Variants in CHAMP1 observed in about 807,000 individuals in gnomAD.
CHAMP1 encodes chromosome alignment-maintaining phosphoprotein 1.
Under a neutral mutation model 54.5 loss-of-function variants are expected in CHAMP1, and 4 were observed. The ratio of observed to expected loss-of-function variants is 0.07; its 90% CI spans 0.04 to 0.17. The LOEUF is 0.17. CHAMP1 is among the 10% of genes least tolerant of loss of function. The probability of loss-of-function intolerance (pLI) is 1.00; values close to 1 mark genes in which losing one functional copy is unlikely to be tolerated. For synonymous variants in CHAMP1, 368 were observed against 342.2 expected (o/e 1.08, Z -0.83); for missense variants, 994 against 968.6 (o/e 1.03, Z -0.35).
rs2087246761 is a variant in CHAMP1, at chr13:114,326,041, T to C, written c.2199T>C (p.Asn733=). The change falls in exon 3 of 3, where the codon AAT becomes AAC. Residue 733 remains asparagine (N), a synonymous_variant. Transcript: ENST00000361283. ...TGCATCATTTGGTTAATAAGCATAA[T>C]GTTCATAGCCCTTACAAATGCACAA... ...AVLHHLVNKH[N]VHSPYKCTIC... The C allele has an allele frequency of 6.2e-7, 1 of 1,614,094 alleles. No homozygotes were observed. The highest frequency in any genetic ancestry group is 8.5e-7 in the Non-Finnish European group (1 of 1,180,002).
Position 114,325,025 on chromosome 13 carries a change from C to G in CHAMP1, c.1183C>G (p.Pro395Ala), listed in dbSNP as rs782673915. 3.2e-5 allele frequency: 52 copies of G among 1,614,004 alleles called. No homozygotes were observed. Among genetic ancestry groups the G allele is most frequent in the Non-Finnish European group, 4.2e-5 (50 of 1,180,050 alleles). ...ASPESWKSGPPELRKTAPTLS... is the reference protein window; with the variant it reads ...ASPESWKSGPAELRKTAPTLS... ...TCCTGAGTCATGGAAGTCTGGCCCA[C>G]CAGAACTCCGAAAGACAGCTCCCAC... Residue 395 changes from proline to alanine, a missense_variant, in exon 3 of 3, where the codon CCA becomes GCA. This residue lies in a region of CHAMP1 where 851 missense variants were observed against 701.3 expected (regional missense o/e 1.21). Coordinates refer to ENST00000361283, the MANE Select transcript of CHAMP1 (RefSeq NM_032436.4).
intron 1 of CHAMP1, among the ~76,000 whole-genome samples, chr13:114,318,747 C>T (rs1334916879): frequency 6.6e-6 from 1 of 150,420 alleles, no homozygotes; most frequent in Admixed American, 6.6e-5. Context: ...CTGATTGTCA[C>T]TTCTAGGATA....
chr13:114,325,034 C>G lies in CHAMP1; in HGVS notation c.1192C>G (p.Arg398Gly). 1 of 1,614,116 alleles carries G rather than the reference C, an allele frequency of 6.2e-7. No individual in the cohort carries two copies. Among genetic ancestry groups the G allele is most frequent in the South Asian group, 1.1e-5 (1 of 91,080 alleles). The part of the protein sequence containing the change: ...ESWKSGPPEL[R>G]KTAPTLSPEH... ...ATGGAAGTCTGGCCCACCAGAACTC[C>G]GAAAGACAGCTCCCACGTTGTCTCC... The change falls in exon 3 of 3, where the codon CGA becomes GGA. Residue 398 changes from arginine to glycine, a missense_variant. By Grantham distance (125) the Arg-to-Gly change is moderately radical. Coordinates refer to ENST00000361283, the MANE Select transcript of CHAMP1 (RefSeq NM_032436.4).
intron 1 of CHAMP1, among the ~76,000 whole-genome samples, 200 bp from the exon 2 acceptor site, chr13:114,320,910 C>G (rs960968433): frequency 6.6e-6 from 1 of 150,866 alleles, no homozygotes; most frequent in Admixed American, 6.6e-5. Flanking sequence ...GAGCCGAGAT[C>G]GCGCCACTGC....
In CHAMP1 at chr13:114,325,543, T is replaced by C; in HGVS notation, c.1701T>C (p.Ala567=). 1 of 1,614,114 alleles carries C rather than the reference T, an allele frequency of 6.2e-7. No homozygotes were observed. Among genetic ancestry groups the C allele is most frequent in the Non-Finnish European group, 8.5e-7 (1 of 1,180,036 alleles). ...HALFPELPKS[A]LFSESQKAVE... ...TTTTCCCTGAACTCCCCAAATCTGC[T>C]CTATTCTCAGAATCACAGAAGGCTG... is the stretch of plus-strand genomic sequence containing the variant. The change falls in exon 3 of 3, where the codon GCT becomes GCC. Residue 567 remains alanine (A), a synonymous_variant. Coordinates refer to ENST00000361283, the MANE Select transcript of CHAMP1 (RefSeq NM_032436.4).
rs1555379907 is a variant in CHAMP1, at chr13:114,325,769, G to A, written c.1927G>A (p.Ala643Thr). 1 of 1,614,194 alleles carries A rather than the reference G, an allele frequency of 6.2e-7. No homozygotes were observed. Among genetic ancestry groups the A allele is most frequent in the Admixed American group, 1.7e-5 (1 of 60,024 alleles). The change falls in exon 3 of 3, where the codon GCG becomes ACG. Residue 643 changes from alanine to threonine, a missense_variant. Ala to Thr is a moderately conservative substitution (Grantham distance 58, BLOSUM62 0). Transcript: ENST00000361283. The stretch of plus-strand genomic sequence containing the variant: ...TGAGTACATAAAAACAGATTTGGAT[G>A]CGATGGATATTAAGGGCCAGGAATC... ...SSEYIKTDLD[A>T]MDIKGQESSS...
At position 114,326,125 on chromosome 13, in the gene CHAMP1, G is replaced by A. The variant is rs782584547; in HGVS notation, c.2283G>A (p.Gly761=). 20 of 1,613,214 alleles carry A rather than the reference G, an allele frequency of 1.2e-5. No homozygotes were observed. In the South Asian group the frequency reaches 2.1e-4, roughly 17 times the overall value. ...TTAAAAATCATGTAGCAGCCCATGGGCAAAGTTTACTTAAATGTCCACGTT... is the reference window on the plus strand; with the variant it reads ...TTAAAAATCATGTAGCAGCCCATGGACAAAGTTTACTTAAATGTCCACGTT... The part of the protein sequence containing the change: ...SLLKNHVAAH[G]QSLLKCPRCN... Residue 761 remains glycine (G), a synonymous_variant, in exon 3 of 3, where the codon GGG becomes GGA. Transcript: ENST00000361283.
At chr13:114,320,829 G>A (rs528719304) in intron 1 of CHAMP1, among the ~76,000 whole-genome samples, 1 of 152,056 alleles carries the variant, frequency 6.6e-6, no homozygotes, top group Non-Finnish European at 1.5e-5. Context: ...GGTGGCGGGC[G>A]CCTGTAGTCC....
At chr13:114,315,982 G>A (rs1053095370) in intron 1 of CHAMP1, among the ~76,000 whole-genome samples, 1 of 151,656 alleles carries the variant, frequency 6.6e-6, no homozygotes, top group Non-Finnish European at 1.5e-5. Flanking sequence ...CATTACAGGC[G>A]CTTGCCACCA....
intron 2 of CHAMP1, chr13:114,322,036 ATTTTTTTTT>A (rs35744396): frequency 3.2e-5 from 4 of 126,692 alleles, no homozygotes; most frequent in Non-Finnish European, 4.9e-5. Context: ...AGAAATGTTA[ATTTTTTTTT>A]TTTTTTTTTT....
chr13:114,319,538 G>C (rs944134065), intron 1 of CHAMP1, among the ~76,000 whole-genome samples: 1 of 152,170 alleles, frequency 6.6e-6, no homozygotes, highest in Non-Finnish European at 1.5e-5. Flanking sequence ...GGAAGAAGTG[G>C]GGAATTGACC....
rs971983113 is a variant in CHAMP1, at chr13:114,318,673, G to A, written c.-178-2437G>A. ...GTACTCCTACCTGACAAAGGAACTC[G>A]TTCTAGTTCATGATAGAGTAGATTG... On this transcript the variant is annotated intron_variant, in intron 1 of 2. Coordinates refer to ENST00000361283, the MANE Select transcript of CHAMP1 (RefSeq NM_032436.4). Among the ~76,000 whole-genome samples the A allele has an allele frequency of 9.9e-5, 15 of 151,950 alleles. No homozygotes were observed. The East Asian group carries it at 1.7e-3, about 18-fold the overall frequency.
At chr13:114,319,353 T>C (rs1032189747) in intron 1 of CHAMP1, among the ~76,000 whole-genome samples, 3 of 152,142 alleles carry the variant, frequency 2.0e-5, no homozygotes, top group Non-Finnish European at 4.4e-5. Context: ...GAGTCTAAGA[T>C]TGAGAGAATG....
rs782717140 is a variant in CHAMP1, at chr13:114,325,939, A to G, written c.2097A>G (p.Ala699=). 12 of 1,614,204 alleles carry G rather than the reference A, an allele frequency of 7.4e-6. No homozygotes were observed. Among genetic ancestry groups the G allele is most frequent in the Non-Finnish European group, 9.3e-6 (11 of 1,180,024 alleles). The change falls in exon 3 of 3, where the codon GCA becomes GCG. Residue 699 remains alanine (A), a synonymous_variant. Transcript: ENST00000361283. ...KEAFISEEEI[A]KYMKRGKGKY... ...CTTTTATCTCTGAAGAGGAGATTGC[A>G]AAATACATGAAGCGTGGAAAAGGAA...
Position 114,325,313 on chromosome 13 carries a change from C to T in CHAMP1, c.1471C>T (p.Pro491Ser), listed in dbSNP as rs552043197. 83 of 1,614,138 alleles carry T rather than the reference C, an allele frequency of 5.1e-5. No individual in the cohort carries two copies. The South Asian group carries it at 8.5e-4, about 16-fold the overall frequency. ...TTCCTTTTTTATTGAGCCTCAGAAA[C>T]CTGTCTTCCCTGAGACCCGAAAACC... ...KSSFFIEPQK[P>S]VFPETRKPGP... The change falls in exon 3 of 3, where the codon CCT becomes TCT. Residue 491 changes from proline to serine, a missense_variant. By Grantham distance (74) the Pro-to-Ser change is moderately conservative. This residue lies in a region of CHAMP1 where 851 missense variants were observed against 701.3 expected (regional missense o/e 1.21). Coordinates refer to ENST00000361283, the MANE Select transcript of CHAMP1 (RefSeq NM_032436.4).
chr13:114,325,639 ACTT>A lies in CHAMP1; in HGVS notation c.1800_1802del (p.Leu601del), dbSNP rs1169687064. ...AATGTGATATTTTGGTTCAGGAAGA[ACTT>A]CTAGCTTCACCTAAGAAACTCTTAG... On this transcript the variant is annotated inframe_deletion, in exon 3 of 3. Coordinates refer to ENST00000361283, the MANE Select transcript of CHAMP1 (RefSeq NM_032436.4). The A allele has an allele frequency of 5.0e-6, 8 of 1,614,068 alleles. No homozygotes were observed. In the African/African-American group the frequency reaches 8.0e-5, roughly 16 times the overall value.
chr13:114,317,317 G>A lies in CHAMP1; in HGVS notation c.-179+2674G>A, dbSNP rs1370010401. 4.6e-5 allele frequency among the ~76,000 whole-genome samples: 7 copies of A among 150,996 alleles called. No individual in the cohort carries two copies. The East Asian group carries it at 6.1e-4, about 13-fold the overall frequency. On this transcript the variant is annotated intron_variant, in intron 1 of 2. Transcript: ENST00000361283. ...TGGGATTACAGGTGTGAGCCACTGC[G>A]CCCGCCCAGTTTATTAATTTCTTAA...
chr13:114,314,679 T>TG (rs2087073022), intron 1 of CHAMP1, 36 bp downstream of exon 1: 1 of 152,150 alleles, frequency 6.6e-6, no homozygotes, highest in African/African-American at 2.4e-5. Flanking sequence ...GGGGCGTGGT[T>TG]GGGGCCTGCA....
At chr13:114,320,929 C>G (rs1436861779) in intron 1 of CHAMP1, among the ~76,000 whole-genome samples, 181 bp from the exon 2 acceptor site, 2 of 150,102 alleles carry the variant, frequency 1.3e-5, no homozygotes, top group Non-Finnish European at 2.9e-5. Context: ...GCACTCCAGC[C>G]TGGGCGACAG....
Sources: gnomAD v4.1 joint callset for allele counts (sites outside exome capture counted in the v4.1 genomes callset) on GRCh38, gnomAD v4.1.1 for gene constraint, gnomAD v4.1.1 regional missense constraint, MANE v1.5 for transcripts, NCBI Gene and HGNC (gene_info 2026-07-23, HGNC 2026-07-21) for gene names.